PCBP3: variants seen among roughly 807,000 people sequenced by gnomAD.
PCBP3 encodes the protein poly(rC)-binding protein 3.
PCBP3 carries 25 observed loss-of-function variants against 52.7 expected under a neutral mutation model. The observed-to-expected ratio is 0.47, with a 90% confidence interval of 0.35 to 0.66. The LOEUF is 0.66. PCBP3 is among the 30% of genes least tolerant of loss of function. PCBP3 has a pLI of 0.01. For synonymous variants in PCBP3, 162 were observed against 183.0 expected, an observed-to-expected ratio of 0.89 and a Z score of 0.93; for missense variants, 391 against 490.3, an observed-to-expected ratio of 0.80 and a Z score of 1.91.
rs573388507 is a variant in PCBP3 at position 45,831,772 on chromosome 21, G to A, written c.-125-18189G>A. 2.3e-4 allele frequency among the ~76,000 whole-genome samples: 35 copies of A among 152,288 alleles called. No homozygotes were observed. The East Asian group carries it at 6.0e-3, about 26-fold the overall frequency. On this transcript the variant is annotated intron_variant, in intron 4 of 17. Transcript: ENST00000681687. ...GTCGCCCAGGCTGGAGTGCAGTGGC[G>A]CAAATGTGGCTCACTGCAACTTCCA...
Position 45,907,831 on chromosome 21 carries a change from G to A in PCBP3, c.340-1524G>A, listed in dbSNP as rs543039349. On this transcript the variant is annotated intron_variant, in intron 9 of 17. Transcript: ENST00000681687. ...TGGAAAAGATAGAGGTAGAGTCGATGGAGGAGCTGGAAGGGAAGGACGGGG... is the reference window on the plus strand; with the variant it reads ...TGGAAAAGATAGAGGTAGAGTCGATAGAGGAGCTGGAAGGGAAGGACGGGG... Among the ~76,000 whole-genome samples, 7 of 151,774 alleles carry A rather than the reference G, an allele frequency of 4.6e-5. No homozygotes were observed. The South Asian group carries it at 1.5e-3, about 32-fold the overall frequency.
intron 2 of PCBP3, among the ~76,000 whole-genome samples, chr21:45,685,462 AC>A (rs2082096184): frequency 6.6e-6 from 1 of 152,014 alleles, no homozygotes; most frequent in South Asian, 2.1e-4. Context: ...AAGGAAGGAG[AC>A]CTTTGCCTCT....
intron 11 of PCBP3, among the ~76,000 whole-genome samples, chr21:45,911,588 G>A (rs1028174762): frequency 1.3e-5 from 2 of 152,154 alleles, no homozygotes; most frequent in Admixed American, 6.5e-5. Context: ...CAGAGCAGAC[G>A]CCTCTCTTGA....
chr21:45,912,655 T>G (rs1406913733), intron 11 of PCBP3, among the ~76,000 whole-genome samples: 2 of 152,128 alleles, frequency 1.3e-5, no homozygotes, highest in Non-Finnish European at 2.9e-5. Flanking sequence ...GCAGGCCCTG[T>G]GCCCAGAGAA....
intron 5 of PCBP3, chr21:45,871,023 TG>T: frequency 5.9e-6 from 1 of 170,556 alleles, no homozygotes; most frequent in South Asian, 1.1e-4. Context: ...CAGCACCCGC[TG>T]GGGAAGGCCA....
At chr21:45,898,999 G>T (rs1452015754) in intron 6 of PCBP3, among the ~76,000 whole-genome samples, 1 of 136,604 alleles carries the variant, frequency 7.3e-6, no homozygotes, top group African/African-American at 3.0e-5. Flanking sequence ...ACCATTGCTG[G>T]CCCCGCTTCA....
At position 45,940,136 on chromosome 21, in the gene PCBP3, G is replaced by C; in HGVS notation, c.1016G>C (p.Arg339Pro). Reference sequence around the variant, plus strand: ...AACGCCACGGAAGGGTCCTCAGAGCGTCAGATCACCATCACGGGGACCCCG... The same window carrying C: ...AACGCCACGGAAGGGTCCTCAGAGCCTCAGATCACCATCACGGGGACCCCG... ...IANATEGSSE[R>P]QITITGTPAN... The change falls in exon 17 of 18, where the codon CGT (arginine) becomes CCT (proline). Residue 339 changes from arginine (R) to proline (P), a missense_variant. Coordinates refer to ENST00000681687, the MANE Select transcript of PCBP3 (RefSeq NM_001384156.1). The C allele has an allele frequency of 6.2e-7, 1 of 1,614,150 alleles. No individual in the cohort carries two copies. Among genetic ancestry groups the C allele is most frequent in the Non-Finnish European group, 8.5e-7 (1 of 1,179,998 alleles).
rs2092988657 is a variant in PCBP3 at position 45,817,078 on chromosome 21, CTATA to C, written c.-125-32879_-125-32876del. On this transcript the variant is annotated intron_variant, in intron 4 of 17. Coordinates refer to ENST00000681687, the MANE Select transcript of PCBP3 (RefSeq NM_001384156.1). The surrounding 1 kb of genome is among the most constrained non-coding windows in gnomAD (Gnocchi z 4.3). ...TGAAATGCCGTTGTGTGGCACGTGA[CTATA>C]TATGCTACGCTGTTAAGAATTTGGG... Among the ~76,000 whole-genome samples, 1 of 152,134 alleles carries C rather than the reference CTATA, an allele frequency of 6.6e-6. No homozygotes were observed. The highest frequency in any genetic ancestry group is 1.5e-5 in the Non-Finnish European group (1 of 68,024).
chr21:45,912,765 C>T (rs1281115993), intron 11 of PCBP3, among the ~76,000 whole-genome samples: 2 of 152,186 alleles, frequency 1.3e-5, no homozygotes, highest in African/African-American at 2.4e-5. Context: ...CTGGGCATCT[C>T]CAGGAGCCGG....
intron 1 of PCBP3, among the ~76,000 whole-genome samples, chr21:45,646,107 C>CTGTGTGTGTGTGTGTGTG (rs765931494): frequency 1.1e-4 from 9 of 83,822 alleles, no homozygotes; most frequent in South Asian, 5.5e-4. Context: ...CTCTCTCTCT[C>CTGTGTGTGTGTGTGTGTG]TGTGTGTGTG....
chr21:45,665,624 A>G (rs1025746308), intron 1 of PCBP3, among the ~76,000 whole-genome samples: 7 of 152,234 alleles, frequency 4.6e-5, no homozygotes, highest in Non-Finnish European at 8.8e-5. Context: ...TGAATCAGTA[A>G]CAAAAATTCT....
At chr21:45,871,923 T>C (rs1208584055) in intron 5 of PCBP3, 3 of 152,204 alleles carry the variant, frequency 2.0e-5, no homozygotes, top group Non-Finnish European at 2.9e-5. Flanking sequence ...TCCCAGGCTT[T>C]GGAGAACTCT....
chr21:45,683,019 G>GAAACA (rs898075345), intron 2 of PCBP3, among the ~76,000 whole-genome samples: 29 of 151,982 alleles, frequency 1.9e-4, no homozygotes, highest in Admixed American at 2.6e-4. Flanking sequence ...GAAGGAATCC[G>GAAACA]AAACAAAACA....
chr21:45,899,729 A>C, intron 7 of PCBP3, 107 bp downstream of exon 7: 2 of 789,292 alleles, frequency 2.5e-6, no homozygotes, highest in Non-Finnish European at 4.4e-6. Flanking sequence ...CGCCTTTCCC[A>C]GTTGGTGGGT....
rs147672083 is a variant in PCBP3 at position 45,767,391 on chromosome 21, T to A, written c.-126+11939T>A. ...TGTGTCAGAATTTCATTCCTTTTTA[T>A]GGCTGAATCATGTTCTGTTGTATGA... On this transcript the variant is annotated intron_variant, in intron 4 of 17. Transcript: ENST00000681687. 2.9e-3 allele frequency among the ~76,000 whole-genome samples: 449 copies of A among 152,388 alleles called. 1 individual carries two copies. Among genetic ancestry groups the A allele is most frequent in the African/African-American group, 0.01 (423 of 41,598 alleles).
intron 4 of PCBP3, among the ~76,000 whole-genome samples, chr21:45,773,133 T>C (rs2090005498): frequency 6.6e-6 from 1 of 152,246 alleles, no homozygotes; most frequent in African/African-American, 2.4e-5. Flanking sequence ...TTTGCGGTCT[T>C]AGTCATAAAT....
chr21:45,769,265 T>A (rs2089647775), intron 4 of PCBP3, among the ~76,000 whole-genome samples: 1 of 152,240 alleles, frequency 6.6e-6, no homozygotes, highest in South Asian at 2.1e-4. Context: ...TTCTGTTATT[T>A]GAATTGAGTG....
chr21:45,852,228 G>T (rs1234041041), intron 5 of PCBP3, among the ~76,000 whole-genome samples: 5 of 152,196 alleles, frequency 3.3e-5, no homozygotes. Context: ...CAACTATTAT[G>T]CGTCAATTAT....
intron 9 of PCBP3, among the ~76,000 whole-genome samples, chr21:45,902,422 A>G (rs2839040): frequency 0.2 from 29,961 of 152,128 alleles, 3,863 homozygotes; most frequent in East Asian, 0.46. Flanking sequence ...AAGAGGATAG[A>G]CAGTTCAGGA....
Sources: allele counts gnomAD v4.1 joint callset (sites outside exome capture counted in the v4.1 genomes callset), GRCh38; gene constraint gnomAD v4.1.1; non-coding constraint Gnocchi (gnomAD v3.1); transcripts MANE v1.5; gene names NCBI Gene and HGNC (gene_info 2026-07-23, HGNC 2026-07-21).